BCAS3: variants seen among roughly 807,000 people sequenced by gnomAD.
BCAS3 encodes the protein BCAS3 microtubule associated cell migration factor.
Under a neutral mutation model 116.1 loss-of-function variants are expected in BCAS3, and 53 were observed. The ratio of observed to expected loss-of-function variants is 0.46; its 90% CI spans 0.37 to 0.57. BCAS3 has a LOEUF of 0.57. Among genes scored for constraint, BCAS3 ranks in the 20% least tolerant of loss-of-function variants. The probability of loss-of-function intolerance (pLI) is 0.00; values close to 1 mark genes in which losing one functional copy is unlikely to be tolerated. For missense variants in BCAS3, 917 were observed against 1,165.4 expected (o/e 0.79, Z 3.10); for synonymous variants, 391 against 408.2 (o/e 0.96, Z 0.51).
chr17:61,278,553 A>G lies in BCAS3; in HGVS notation c.2426-89774A>G, dbSNP rs1041599598. On this transcript the variant is annotated intron_variant, in intron 22 of 23. Transcript: ENST00000407086. The surrounding 1 kb of genome is among the most constrained non-coding windows in gnomAD (Gnocchi z 5.8). ...CAGATGCTTCTGCGTTCCTTGTGGC[A>G]TTATTCACTATAGCCCAAAGATGCC... is the stretch of plus-strand genomic sequence containing the variant. 6.6e-6 allele frequency among the ~76,000 whole-genome samples: 1 copy of G among 152,196 alleles called. No individual in the cohort carries two copies. Among genetic ancestry groups the G allele is most frequent in the Non-Finnish European group, 1.5e-5 (1 of 68,038 alleles).
At chr17:61,311,285 GATGTAC>G (rs2054285261) in intron 22 of BCAS3, among the ~76,000 whole-genome samples, 1 of 152,174 alleles carries the variant, frequency 6.6e-6, no homozygotes, top group Non-Finnish European at 1.5e-5. Context: ...AGCACATGTA[GATGTAC>G]CTTAAGACAT....
intron 10 of BCAS3, among the ~76,000 whole-genome samples, chr17:60,891,251 C>T (rs557919740): frequency 6.6e-6 from 1 of 152,294 alleles, no homozygotes; most frequent in African/African-American, 2.4e-5. Context: ...TGGATGTATT[C>T]TCACATATGG....
Position 61,239,929 on chromosome 17 carries a change from T to C in BCAS3, c.2426-128398T>C, listed in dbSNP as rs1029539406. 6.6e-6 allele frequency among the ~76,000 whole-genome samples: 1 copy of C among 152,220 alleles called. No individual in the cohort carries two copies. Among genetic ancestry groups the C allele is most frequent in the African/African-American group, 2.4e-5 (1 of 41,456 alleles). On this transcript the variant is annotated intron_variant, in intron 22 of 23. Transcript: ENST00000407086. The surrounding 1 kb of genome is among the most constrained non-coding windows in gnomAD (Gnocchi z 4.2). Reference sequence around the variant, plus strand: ...ACACTCAGGTATGTGAAGCCATAATTGTTGTGTTGGAAGTTCTCAGCCCTA... The same window carrying C: ...ACACTCAGGTATGTGAAGCCATAATCGTTGTGTTGGAAGTTCTCAGCCCTA...
At chr17:60,985,252 T>C (rs933691110) in intron 14 of BCAS3, among the ~76,000 whole-genome samples, 5 of 150,820 alleles carry the variant, frequency 3.3e-5, no homozygotes, top group African/African-American at 1.2e-4. Context: ...TTCAAGTGAT[T>C]CTCCTGCCTC....
rs1568975103 is a variant in BCAS3, at chr17:61,377,159, C to T, written c.2593+8665C>T. On this transcript the variant is annotated intron_variant, in intron 23 of 23. Coordinates refer to ENST00000407086, the MANE Select transcript of BCAS3 (RefSeq NM_017679.5). The surrounding 1 kb of genome is among the most constrained non-coding windows in gnomAD (Gnocchi z 4.6). ...CACAGGGCATGGTCTTTCTAGGATGCGGAGGCAAAGCTGGAACTCCCCAGT... is the reference window on the plus strand; with the variant it reads ...CACAGGGCATGGTCTTTCTAGGATGTGGAGGCAAAGCTGGAACTCCCCAGT... 6.6e-6 allele frequency among the ~76,000 whole-genome samples: 1 copy of T among 152,296 alleles called. No homozygotes were observed. Among genetic ancestry groups the T allele is most frequent in the African/African-American group, 2.4e-5 (1 of 41,568 alleles).
At position 61,134,922 on chromosome 17, in the gene BCAS3, CA is replaced by C. The variant is rs2076538995; in HGVS notation, c.2425+50360del. Among the ~76,000 whole-genome samples, 1 of 151,888 alleles carries C rather than the reference CA, an allele frequency of 6.6e-6. No individual in the cohort carries two copies. The highest frequency in any genetic ancestry group is 1.5e-5 in the Non-Finnish European group (1 of 67,988). The stretch of plus-strand genomic sequence containing the variant: ...TTTTTTTTGAAATAAAACATTTGTA[CA>C]AGTCAGTAAAAGTGATATACAGTAT... On this transcript the variant is annotated intron_variant, in intron 22 of 23. Transcript: ENST00000407086. The surrounding 1 kb of genome is among the most constrained non-coding windows in gnomAD (Gnocchi z 4.6).
intron 13 of BCAS3, among the ~76,000 whole-genome samples, chr17:60,936,374 A>G (rs1280856244): frequency 6.6e-6 from 1 of 152,018 alleles, no homozygotes; most frequent in East Asian, 1.9e-4. Context: ...GTATATACCT[A>G]GTAATGGGAT....
intron 15 of BCAS3, among the ~76,000 whole-genome samples, 184 bp from the exon 16 acceptor site, chr17:61,015,567 T>C (rs185952108): frequency 1.3e-5 from 2 of 152,272 alleles, no homozygotes. Context: ...TCATGAGCTA[T>C]CCAGCTCTCC....
At chr17:60,843,457 G>A (rs543458956) in intron 7 of BCAS3, among the ~76,000 whole-genome samples, 34 of 152,174 alleles carry the variant, frequency 2.2e-4, no homozygotes, top group African/African-American at 7.2e-4. Context: ...GATCTCAGGT[G>A]ATCCACCCGA....
chr17:61,331,978 C>G (rs2056331681), intron 22 of BCAS3, among the ~76,000 whole-genome samples: 1 of 152,182 alleles, frequency 6.6e-6, no homozygotes, highest in Non-Finnish European at 1.5e-5. Context: ...GCCTTTTTCC[C>G]TGTTTCATCC....
In BCAS3 at chr17:61,068,451, G is replaced by A. The variant is rs2070964026; in HGVS notation, c.2030-6469G>A. On this transcript the variant is annotated intron_variant, in intron 19 of 23. Coordinates refer to ENST00000407086, the MANE Select transcript of BCAS3 (RefSeq NM_017679.5). This position sits in a 1 kb window ranked among gnomAD's most constrained non-coding sequence, Gnocchi z 4.3. Reference sequence around the variant, plus strand: ...CCATTGGTTCATATAGGTCTCTGCAGCATCCATTCTTGTTTCTCATCCAGC... The same window carrying A: ...CCATTGGTTCATATAGGTCTCTGCAACATCCATTCTTGTTTCTCATCCAGC... 6.6e-6 allele frequency among the ~76,000 whole-genome samples: 1 copy of A among 152,174 alleles called. No homozygotes were observed. The highest frequency in any genetic ancestry group is 6.5e-5 in the Admixed American group (1 of 15,278).
intron 7 of BCAS3, among the ~76,000 whole-genome samples, chr17:60,856,978 C>T (rs1368509753): frequency 1.3e-5 from 2 of 152,122 alleles, no homozygotes; most frequent in Non-Finnish European, 2.9e-5. Flanking sequence ...AGGACCTTTT[C>T]CTCCCTAATA....
At chr17:61,345,384 A>G (rs917647491) in intron 22 of BCAS3, among the ~76,000 whole-genome samples, 2 of 152,240 alleles carry the variant, frequency 1.3e-5, no homozygotes, top group African/African-American at 4.8e-5. Flanking sequence ...AGGGAATCTC[A>G]GAGGCAGTTA....
intron 22 of BCAS3, among the ~76,000 whole-genome samples, chr17:61,096,229 TATATA>T (rs2073961604): frequency 6.6e-6 from 1 of 152,238 alleles, no homozygotes; most frequent in African/African-American, 2.4e-5. Flanking sequence ...TTACACATCT[TATATA>T]AAAGTTTTTT....
intron 17 of BCAS3, among the ~76,000 whole-genome samples, chr17:61,036,887 G>T (rs1600659180): frequency 6.6e-6 from 1 of 152,188 alleles, no homozygotes; most frequent in East Asian, 1.9e-4. Context: ...GCACATGCAT[G>T]CCTGTGTATG....
At chr17:60,787,123 A>G (rs1312186340) in intron 6 of BCAS3, among the ~76,000 whole-genome samples, 2 of 152,198 alleles carry the variant, frequency 1.3e-5, no homozygotes, top group African/African-American at 2.4e-5. Flanking sequence ...GCCACTAAAC[A>G]TATTTCTTAT....
At chr17:61,254,531 C>G (rs939708846) in intron 22 of BCAS3, among the ~76,000 whole-genome samples, 11 of 151,996 alleles carry the variant, frequency 7.2e-5, no homozygotes, top group African/African-American at 2.4e-4. Flanking sequence ...GTAATCCTGG[C>G]ACTTTGGGAG....
intron 14 of BCAS3, among the ~76,000 whole-genome samples, chr17:60,952,806 C>T (rs2060917957): frequency 6.6e-6 from 1 of 151,932 alleles, no homozygotes; most frequent in African/African-American, 2.4e-5. Flanking sequence ...GTGTCTGTTC[C>T]CTCTATGTGT....
rs1338929539 is a variant in BCAS3, at chr17:61,098,880, C to T, written c.2425+14316C>T. Among the ~76,000 whole-genome samples the T allele has an allele frequency of 6.6e-6, 1 of 152,062 alleles. No homozygotes were observed. The highest frequency in any genetic ancestry group is 1.5e-5 in the Non-Finnish European group (1 of 68,026). ...GTGGCTCACACCTGTAATACCAGCA[C>T]TTTGGGAGGCCGAGGCAGGTGATCA... On this transcript the variant is annotated intron_variant, in intron 22 of 23. Transcript: ENST00000407086. This position sits in a 1 kb window ranked among gnomAD's most constrained non-coding sequence, Gnocchi z 4.2.
Sources: allele counts gnomAD v4.1 joint callset (sites outside exome capture counted in the v4.1 genomes callset), GRCh38; gene constraint gnomAD v4.1.1; non-coding constraint Gnocchi (gnomAD v3.1); transcripts MANE v1.5; gene names NCBI Gene and HGNC (gene_info 2026-07-23, HGNC 2026-07-21).